The following ATAD3B variants were observed in gnomAD, a reference collection of about 807,000 sequenced individuals.
The protein encoded by ATAD3B is ATPase family AAA domain containing 3B.
Under a neutral mutation model 70.2 loss-of-function variants are expected in ATAD3B, and 59 were observed. That is an observed-to-expected ratio of 0.84 (90% CI 0.68 to 1.04). ATAD3B has a LOEUF of 1.04. Among genes scored for constraint, ATAD3B ranks in the 50% least tolerant of loss-of-function variants. The pLI is 0.00. For synonymous variants in ATAD3B, 423 were observed against 388.6 expected (o/e 1.09, Z -1.04); for missense variants, 961 against 913.4 (o/e 1.05, Z -0.67).
In ATAD3B at chr1:1,496,029, G is replaced by A. The variant is rs901207010; in HGVS notation, c.*212G>A. 4 of 1,323,330 alleles carry A rather than the reference G, an allele frequency of 3.0e-6. No individual in the cohort carries two copies. In the Admixed American group the frequency reaches 1.3e-4, roughly 44 times the overall value. 82.0% of individuals were successfully genotyped at this position (1,323,330 alleles called of 1,614,324 possible). On this transcript the variant is annotated 3_prime_UTR_variant, in exon 16 of 16. Coordinates refer to ENST00000673477, the MANE Select transcript of ATAD3B (RefSeq NM_031921.6). ...CGGCTCCCACAGCAGAGCCAGGTGAGGGGGGGCCTGCCAGGACTAGACAGA... is the reference window on the plus strand; with the variant it reads ...CGGCTCCCACAGCAGAGCCAGGTGAAGGGGGGCCTGCCAGGACTAGACAGA...
downstream of ATAD3B, among the ~76,000 whole-genome samples, chr1:1,500,528 T>G (rs1355531949): frequency 2.2e-5 from 3 of 138,738 alleles, no homozygotes; most frequent in East Asian, 2.2e-4. Context: ...CTCCAGTCTC[T>G]GGGGGACAGA....
chr1:1,492,360 C>T (rs1013695993), intron 15 of ATAD3B, among the ~76,000 whole-genome samples: 6 of 151,560 alleles, frequency 4.0e-5, no homozygotes, highest in African/African-American at 1.2e-4. Flanking sequence ...GTGGTGGGTG[C>T]CTGTAATCCC....
chr1:1,487,456 C>T (rs908879350), intron 11 of ATAD3B, among the ~76,000 whole-genome samples: 4 of 151,000 alleles, frequency 2.6e-5, no homozygotes, highest in African/African-American at 9.7e-5. Flanking sequence ...CCACTGCACT[C>T]CAGCCTGGGA....
chr1:1,506,028 T>C, the ATAD3B span, among the ~76,000 whole-genome samples: 5 of 151,900 alleles, frequency 3.3e-5, no homozygotes, highest in Non-Finnish European at 7.4e-5. Flanking sequence ...AGGTCAGGAG[T>C]TCGACACCAG....
Position 1,478,411 on chromosome 1 carries a change from C to T in ATAD3B, c.283-233C>T, listed in dbSNP as rs971530246. ...TTGTGGGGTGGGGTTGGTGTCTGACCTCCCTCCCCGGGGGCCTTCGCAGGC... is the reference window on the plus strand; with the variant it reads ...TTGTGGGGTGGGGTTGGTGTCTGACTTCCCTCCCCGGGGGCCTTCGCAGGC... On this transcript the variant is annotated intron_variant, in intron 2 of 15. Transcript: ENST00000673477. The T allele has an allele frequency of 6.7e-6, 10 of 1,498,888 alleles. No homozygotes were observed. The African/African-American group carries it at 1.4e-4, about 21-fold the overall frequency. The allele number at this position is 1,498,888 out of a possible 1,614,324, so 92.8% of individuals were successfully genotyped here.
At chr1:1,495,387 G>A in intron 15 of ATAD3B, 98 bp from the exon 16 acceptor site, 3 of 1,458,284 alleles carry the variant, frequency 2.1e-6, no homozygotes, top group Non-Finnish European at 2.8e-6. Context: ...TTGTCCTGGT[G>A]CCCCTGGTTT....
chr1:1,474,224 G>A (rs771869696), intron 1 of ATAD3B, among the ~76,000 whole-genome samples: 1 of 149,456 alleles, frequency 6.7e-6, no homozygotes, highest in African/African-American at 2.5e-5. Context: ...ACGGAGTCTC[G>A]CTGTCGCCCA....
At chr1:1,499,279 C>CTTT (rs752359726), downstream of ATAD3B, among the ~76,000 whole-genome samples, 12 of 113,836 alleles carry the variant, frequency 1.1e-4, no homozygotes, top group Non-Finnish European at 2.0e-4. Flanking sequence ...CCTGGAATAC[C>CTTT]TTTTTTTTTT....
chr1:1,498,970 T>A (rs1640879796), downstream of ATAD3B, among the ~76,000 whole-genome samples: 1 of 111,464 alleles, frequency 9.0e-6, no homozygotes. Flanking sequence ...TGGTTCCTCT[T>A]TTTTTTTTTT....
At chr1:1,488,850 A>C (rs920092265) in intron 12 of ATAD3B, among the ~76,000 whole-genome samples, 1 of 151,374 alleles carries the variant, frequency 6.6e-6, no homozygotes, top group Non-Finnish European at 1.5e-5. Context: ...TTTTAAATGT[A>C]TTTTTTATTT....
rs751736614 is a variant in ATAD3B, at chr1:1,489,258, G to A, written c.1321G>A (p.Gly441Ser). ...ATLNAFLYHMGQHSNKFMLVL... is the reference protein window; with the variant it reads ...ATLNAFLYHMSQHSNKFMLVL... ...ACTGAACGCCTTCCTGTACCACATG[G>A]GCCAACACAGCAACAAGTGAGGGAG... The change falls in exon 13 of 16, where the codon GGC becomes AGC. Residue 441 changes from glycine to serine, a missense_variant. Gly to Ser is a moderately conservative substitution (Grantham distance 56). This residue lies in a region of ATAD3B where 417 missense variants were observed against 335.0 expected (regional missense o/e 1.24). Coordinates refer to ENST00000673477, the MANE Select transcript of ATAD3B (RefSeq NM_031921.6). 3 of 1,613,540 alleles carry A rather than the reference G, an allele frequency of 1.9e-6. No individual in the cohort carries two copies. Among genetic ancestry groups the A allele is most frequent in the Non-Finnish European group, 2.5e-6 (3 of 1,179,650 alleles).
chr1:1,488,185 G>C (rs539979707), intron 12 of ATAD3B, among the ~76,000 whole-genome samples: 1 of 151,932 alleles, frequency 6.6e-6, no homozygotes, highest in Non-Finnish European at 1.5e-5. Flanking sequence ...AAGAACTCCT[G>C]ATCTCAAATG....
chr1:1,502,220 CTT>C (rs377727458), downstream of ATAD3B, among the ~76,000 whole-genome samples: 4 of 142,638 alleles, frequency 2.8e-5, no homozygotes, highest in African/African-American at 2.6e-5. Flanking sequence ...TTTTCTCTCT[CTT>C]TTTTTTTTTG....
chr1:1,475,830 C>G (rs1639562749), intron 1 of ATAD3B, among the ~76,000 whole-genome samples: 1 of 143,676 alleles, frequency 7.0e-6, no homozygotes, highest in Non-Finnish European at 1.5e-5. Context: ...TCTTTCCCCT[C>G]TCCTCCTCCC....
intron 12 of ATAD3B, 146 bp from the exon 13 acceptor site, chr1:1,489,058 G>A: frequency 2.1e-6 from 3 of 1,418,942 alleles, no homozygotes; most frequent in East Asian, 4.8e-5. Flanking sequence ...CACCGCCCCT[G>A]GCCCTGGTCA....
intron 6 of ATAD3B, 61 bp from the exon 7 acceptor site, chr1:1,482,484 C>T: frequency 6.2e-6 from 10 of 1,612,628 alleles, no homozygotes; most frequent in Non-Finnish European, 8.5e-6. Context: ...CCTCAACCTG[C>T]TCTCGCTGCG....
In ATAD3B at chr1:1,482,278, C is replaced by T. The variant is rs760612594; in HGVS notation, c.655C>T (p.Arg219Cys). ...EQIRLKASEH[R>C]QTVLESIRTA... ...GATCCGCCTGAAGGCGTCCGAGCAC[C>T]GTCAGACCGTCTTGGAGTCCATCAG... Residue 219 changes from arginine (R) to cysteine (C), a missense_variant, in exon 6 of 16, where the codon CGT (arginine) becomes TGT (cysteine). By Grantham distance (180) the Arg-to-Cys change is radical. Transcript: ENST00000673477. 29 of 1,610,476 alleles carry T rather than the reference C, an allele frequency of 1.8e-5. No individual in the cohort carries two copies. Among genetic ancestry groups the T allele is most frequent in the East Asian group, 1.8e-4 (8 of 44,858 alleles).
chr1:1,488,299 G>A (rs1419728924), intron 12 of ATAD3B, among the ~76,000 whole-genome samples: 1 of 151,888 alleles, frequency 6.6e-6, no homozygotes, highest in African/African-American at 2.4e-5. Context: ...GCCCAGGCTG[G>A]AGTGCAGGGG....
chr1:1,485,272 C>T (rs564751494), intron 8 of ATAD3B, 101 bp downstream of exon 8: 4 of 1,519,146 alleles, frequency 2.6e-6, no homozygotes, highest in South Asian at 1.3e-5. Flanking sequence ...CTTCCCTTTC[C>T]CCGGATAACA....
Sources: gnomAD v4.1 joint callset for allele counts (sites outside exome capture counted in the v4.1 genomes callset) on GRCh38, gnomAD v4.1.1 for gene constraint, gnomAD v4.1.1 regional missense constraint, MANE v1.5 for transcripts, NCBI Gene and HGNC (gene_info 2026-07-23, HGNC 2026-07-21) for gene names.